The following IER5 variants were observed in gnomAD, a reference collection of about 807,000 sequenced individuals.
The protein encoded by IER5 is immediate early response 5, also known as immediate early response gene 5 protein.
In IER5, 3 loss-of-function variants were observed where a neutral mutation model predicts 8.2. The observed-to-expected ratio is 0.36, with a 90% CI of 0.17 to 0.94. IER5 has a LOEUF of 0.94. IER5 is among the 40% of genes least tolerant of loss of function. The pLI is 0.43. For missense variants in IER5, 531 were observed against 494.3 expected (o/e 1.07, Z -0.70); for synonymous variants, 286 against 230.1 (o/e 1.24, Z -2.20).
At position 181,089,894 on chromosome 1, in the gene IER5, GC is replaced by G. The variant is rs761886733; in HGVS notation, c.*14del. The G allele has an allele frequency of 1.9e-6, 3 of 1,609,994 alleles. No homozygotes were observed. Among genetic ancestry groups the G allele is most frequent in the Middle Eastern group, 2.1e-4 (1 of 4,742 alleles). ...GCCATCGTGGCCTTCTGAGCCCTTG[GC>G]CCCCCTGCGGGGAGGAGGTGGAGCA... On this transcript the variant is annotated 3_prime_UTR_variant, in exon 1 of 1. Coordinates refer to ENST00000367577, the MANE Select transcript of IER5 (RefSeq NM_016545.5).
Position 181,089,795 on chromosome 1 carries a change from G to A in IER5, c.893G>A (p.Gly298Asp). 6.2e-7 allele frequency: 1 copy of A among 1,613,574 alleles called. No homozygotes were observed. The highest frequency in any genetic ancestry group is 8.5e-7 in the Non-Finnish European group (1 of 1,179,880). The change falls in exon 1 of 1, where the codon GGT (glycine) becomes GAT (aspartate). Residue 298 changes from glycine (G) to aspartate (D), a missense_variant. Gly to Asp is a moderately conservative substitution (Grantham distance 94). Coordinates refer to ENST00000367577, the MANE Select transcript of IER5 (RefSeq NM_016545.5). ...GREEEEGEES[G>D]PEAAEPGQIC... ...GAGGAAGAGGAGGGAGAGGAGAGCGGTCCGGAAGCCGCCGAGCCCGGGCAG... is the reference window on the plus strand; with the variant it reads ...GAGGAAGAGGAGGGAGAGGAGAGCGATCCGGAAGCCGCCGAGCCCGGGCAG...
Position 181,089,133 on chromosome 1 carries a change from C to G in IER5, c.231C>G (p.Ala77=), listed in dbSNP as rs1659400904. The G allele has an allele frequency of 1.4e-5, 20 of 1,394,998 alleles. No individual in the cohort carries two copies. The highest frequency in any genetic ancestry group is 1.9e-5 in the Non-Finnish European group (20 of 1,077,456). The allele number at this position is 1,394,998 out of a possible 1,614,324, so 86.4% of individuals were successfully genotyped here. ...PPQQQPGEPA[A]GPPAGWGEPP... ...AGCAGCAGCCCGGGGAGCCGGCGGC[C>G]GGGCCACCCGCCGGCTGGGGAGAGC... Residue 77 remains alanine (A), a synonymous_variant, in exon 1 of 1, where the codon GCC becomes GCG. Transcript: ENST00000367577.
chr1:181,089,725 T>G lies in IER5; in HGVS notation c.823T>G (p.Ser275Ala), dbSNP rs1475514057. ...GGCTAACCTCATCAGCATCTTCGGT[T>G]CCAGTTTCTCGGGACTCCTACGGAA... is the stretch of plus-strand genomic sequence containing the variant. Reference protein sequence around the residue: ...NVANLISIFGSSFSGLLRKSP... With the variant: ...NVANLISIFGASFSGLLRKSP... Residue 275 changes from serine (S) to alanine (A), a missense_variant, in exon 1 of 1, where the codon TCC (serine) becomes GCC (alanine). Physicochemically the swap from Ser to Ala is moderately conservative, Grantham distance 99. Coordinates refer to ENST00000367577, the MANE Select transcript of IER5 (RefSeq NM_016545.5). 1 of 1,613,674 alleles carries G rather than the reference T, an allele frequency of 6.2e-7. No homozygotes were observed. The highest frequency in any genetic ancestry group is 1.7e-5 in the Admixed American group (1 of 60,002).
rs1474024460 is a variant in IER5, at chr1:181,088,965, GC to G, written c.64del (p.Arg22GlyfsTer27). 1.2e-6 allele frequency: 2 copies of G among 1,613,662 alleles called. No individual in the cohort carries two copies. The highest frequency in any genetic ancestry group is 1.7e-6 in the Non-Finnish European group (2 of 1,179,932). On this transcript the variant is annotated frameshift_variant, in exon 1 of 1. Transcript: ENST00000367577. LOFTEE classifies it low-confidence loss of function (END_TRUNC). ...SISLGKIYNS[R>X]VQRGGIKLHK... is the part of the protein sequence containing the mutation. ...TCTCTCTGGGCAAGATCTACAACTCGCGGGTCCAGCGCGGCGGCATCAAGCT... is the reference window on the plus strand; with the variant it reads ...TCTCTCTGGGCAAGATCTACAACTCGGGGTCCAGCGCGGCGGCATCAAGCT...
In IER5 at chr1:181,090,159, G is replaced by C. The variant is rs376514854; in HGVS notation, c.*273G>C. On this transcript the variant is annotated 3_prime_UTR_variant, in exon 1 of 1. Transcript: ENST00000367577. The stretch of plus-strand genomic sequence containing the variant: ...TGTCTTGTGGCATTAAGACTATTTT[G>C]CTCTTCTGGAATGCACCACTCCTTC... The C allele has an allele frequency of 7.7e-6, 4 of 517,696 alleles. No homozygotes were observed. The highest frequency in any genetic ancestry group is 3.7e-5 in the East Asian group (1 of 27,024). 32.1% of individuals were successfully genotyped at this position (517,696 alleles called of 1,614,324 possible).
At position 181,089,486 on chromosome 1, in the gene IER5, C is replaced by T. The variant is rs1265623466; in HGVS notation, c.584C>T (p.Ala195Val). 3.0e-6 allele frequency: 4 copies of T among 1,326,124 alleles called. No individual in the cohort carries two copies. Among genetic ancestry groups the T allele is most frequent in the Non-Finnish European group, 3.9e-6 (4 of 1,036,976 alleles). The allele number at this position is 1,326,124 out of a possible 1,614,324, so 82.1% of individuals were successfully genotyped here. The stretch of plus-strand genomic sequence containing the variant: ...GGTACACCGGCCGCGACCCCCCGCG[C>T]TGCCTGCTGCTGCGCGCCGCAACCA... ...PPGTPAATPR[A>V]ACCCAPQPAE... The change falls in exon 1 of 1, where the codon GCT becomes GTT. Residue 195 changes from alanine to valine, a missense_variant. Coordinates refer to ENST00000367577, the MANE Select transcript of IER5 (RefSeq NM_016545.5).
Position 181,088,892 on chromosome 1 carries a change from AG to A in IER5, c.-7del. 3 of 1,605,200 alleles carry A rather than the reference AG, an allele frequency of 1.9e-6. No homozygotes were observed. Among genetic ancestry groups the A allele is most frequent in the Non-Finnish European group, 2.6e-6 (3 of 1,175,020 alleles). ...CACCCCGGCGCCGACGGCCCTGTGC[AG>A]GGGAAGCAGATGGAGTTCAAGCTGG... On this transcript the variant is annotated 5_prime_UTR_variant, in exon 1 of 1. Coordinates refer to ENST00000367577, the MANE Select transcript of IER5 (RefSeq NM_016545.5).
rs1005605826 is a variant in IER5 at position 181,088,826 on chromosome 1, C to G, written c.-77C>G. The G allele has an allele frequency of 2.3e-5, 35 of 1,500,106 alleles. No individual in the cohort carries two copies. The highest frequency in any genetic ancestry group is 7.2e-5 in the Admixed American group (4 of 55,178). 92.9% of individuals were successfully genotyped at this position (1,500,106 alleles called of 1,614,324 possible). A position where few individuals can be genotyped will look rare whatever the true frequency, so the allele number is the denominator to read the frequency against. ...ATCGAGGGTGTGCCCAGGGGGCGGA[C>G]TTGTTTGCGCCTCCCGTTCCCTCCC... On this transcript the variant is annotated 5_prime_UTR_variant, in exon 1 of 1. Coordinates refer to ENST00000367577, the MANE Select transcript of IER5 (RefSeq NM_016545.5).
At position 181,091,922 on chromosome 1, in the gene IER5, C is replaced by T. The variant is rs906028263; in HGVS notation, c.*2036C>T. On this transcript the variant is annotated 3_prime_UTR_variant, in exon 1 of 1. Transcript: ENST00000367577. ...GCCAGTGCCTCGTGCCTTGATATTT[C>T]GGCAAATCTATTAGTGGTTCCTTAA... 1 of 152,192 alleles carries T rather than the reference C, an allele frequency of 6.6e-6. No individual in the cohort carries two copies. The highest frequency in any genetic ancestry group is 1.5e-5 in the Non-Finnish European group (1 of 68,042). The allele number at this position is 152,192 out of a possible 1,614,324, so 9.4% of individuals were successfully genotyped here.
In IER5 at chr1:181,089,404, G is replaced by T. The variant is rs3747954; in HGVS notation, c.502G>T (p.Val168Leu). Residue 168 changes from valine to leucine, a missense_variant, in exon 1 of 1, where the codon GTA (valine) becomes TTA (leucine). Val to Leu is a conservative substitution (Grantham distance 32, BLOSUM62 1). Coordinates refer to ENST00000367577, the MANE Select transcript of IER5 (RefSeq NM_016545.5). Reference sequence around the variant, plus strand: ...CGGAGGCTGGGGCGTCTTCCCCGAGGTATCTCGTGCCGCGCGCCGCCCCTG... The same window carrying T: ...CGGAGGCTGGGGCGTCTTCCCCGAGTTATCTCGTGCCGCGCGCCGCCCCTG... ...TAGGWGVFPE[V>L]SRAARRPCGC... is the part of the protein sequence containing the mutation. The T allele has an allele frequency of 1.7e-5, 24 of 1,451,828 alleles. No individual in the cohort carries two copies. Among genetic ancestry groups the T allele is most frequent in the Non-Finnish European group, 1.9e-5 (21 of 1,100,306 alleles). 89.9% of individuals were successfully genotyped at this position (1,451,828 alleles called of 1,614,324 possible).
chr1:181,088,788 G>GTAT lies in IER5; in HGVS notation c.-115_-114insTAT. ...CGCGTCACCAGAGTCGTTTCTCTTC[G>GTAT]GAGTCTTAGGTGATCGAGGGTGTGC... is the stretch of plus-strand genomic sequence containing the variant. On this transcript the variant is annotated 5_prime_UTR_variant, in exon 1 of 1. The change creates a new upstream start codon in the 5' untranslated region. Transcript: ENST00000367577. 1 of 786,126 alleles carries GTAT rather than the reference G, an allele frequency of 1.3e-6. No individual in the cohort carries two copies. Among genetic ancestry groups the GTAT allele is most frequent in the African/African-American group, 1.8e-5 (1 of 55,674 alleles). The allele number at this position is 786,126 out of a possible 1,614,324, so 48.7% of individuals were successfully genotyped here.
chr1:181,089,202 G>T lies in IER5; in HGVS notation c.300G>T (p.Pro100=), dbSNP rs371948964. 4.6e-6 allele frequency: 7 copies of T among 1,532,202 alleles called. No individual in the cohort carries two copies. Among genetic ancestry groups the T allele is most frequent in the Admixed American group, 2.0e-5 (1 of 49,992 alleles). 94.9% of individuals were successfully genotyped at this position (1,532,202 alleles called of 1,614,324 possible). Residue 100 remains proline, a synonymous_variant, in exon 1 of 1, where the codon CCG becomes CCT. Coordinates refer to ENST00000367577, the MANE Select transcript of IER5 (RefSeq NM_016545.5). Reference sequence around the variant, plus strand: ...GTGCCTCTTGGCCGGAGACCGAGCCGCAGCCGGAGCGCTCCTCCGTCTCAG... The same window carrying T: ...GTGCCTCTTGGCCGGAGACCGAGCCTCAGCCGGAGCGCTCCTCCGTCTCAG... ...AARASWPETE[P]QPERSSVSDA... is the part of the protein sequence containing the mutation.
In IER5 at chr1:181,088,781, T is replaced by G; in HGVS notation, c.-122T>G. On this transcript the variant is annotated 5_prime_UTR_variant, in exon 1 of 1. Transcript: ENST00000367577. ...CAGCGCGCGCGTCACCAGAGTCGTT[T>G]CTCTTCGGAGTCTTAGGTGATCGAG... 5.7e-6 allele frequency: 4 copies of G among 696,558 alleles called. No homozygotes were observed. Among genetic ancestry groups the G allele is most frequent in the Non-Finnish European group, 9.1e-6 (4 of 438,576 alleles). 43.1% of individuals were successfully genotyped at this position (696,558 alleles called of 1,614,324 possible). A position where few individuals can be genotyped will look rare whatever the true frequency, so the allele number is the denominator to read the frequency against.
Position 181,089,026 on chromosome 1 carries a change from A to G in IER5, c.124A>G (p.Ser42Gly), listed in dbSNP as rs771806068. Residue 42 changes from serine (S) to glycine (G), a missense_variant, in exon 1 of 1, where the codon AGC becomes GGC. By Grantham distance (56) the Ser-to-Gly change is moderately conservative (BLOSUM62 0). Coordinates refer to ENST00000367577, the MANE Select transcript of IER5 (RefSeq NM_016545.5). ...CCTCCTGGTCTCGCTGGTGCTGCGCAGCGCCCGCCAAGTCTACCTGAGCGA... is the reference window on the plus strand; with the variant it reads ...CCTCCTGGTCTCGCTGGTGCTGCGCGGCGCCCGCCAAGTCTACCTGAGCGA... ...KNLLVSLVLR[S>G]ARQVYLSDPC... is the part of the protein sequence containing the mutation. 1.2e-6 allele frequency: 2 copies of G among 1,607,832 alleles called. No individual in the cohort carries two copies. Among genetic ancestry groups the G allele is most frequent in the African/African-American group, 1.3e-5 (1 of 74,610 alleles).
At position 181,092,821 on chromosome 1, in the gene IER5, A is replaced by G. The variant is rs1160332467; in HGVS notation, c.*2935A>G. 6.6e-6 allele frequency: 1 copy of G among 152,278 alleles called. No individual in the cohort carries two copies. The highest frequency in any genetic ancestry group is 1.5e-5 in the Non-Finnish European group (1 of 68,054). The allele number at this position is 152,278 out of a possible 1,614,324, so 9.4% of individuals were successfully genotyped here. A position where few individuals can be genotyped will look rare whatever the true frequency, so the allele number is the denominator to read the frequency against. On this transcript the variant is annotated 3_prime_UTR_variant, in exon 1 of 1. Coordinates refer to ENST00000367577, the MANE Select transcript of IER5 (RefSeq NM_016545.5). Reference sequence around the variant, plus strand: ...GTTAATGTAGAAGTTAATTCTGTGTATAAATCAGATACACTGTGGTCAAAG... The same window carrying G: ...GTTAATGTAGAAGTTAATTCTGTGTGTAAATCAGATACACTGTGGTCAAAG...
At position 181,089,286 on chromosome 1, in the gene IER5, T is replaced by G; in HGVS notation, c.384T>G (p.Val128=). The G allele has an allele frequency of 6.4e-7, 1 of 1,557,266 alleles. No individual in the cohort carries two copies. Among genetic ancestry groups the G allele is most frequent in the Non-Finnish European group, 8.7e-7 (1 of 1,153,938 alleles). The change falls in exon 1 of 1, where the codon GTT becomes GTG. Residue 128 remains valine, a synonymous_variant. Transcript: ENST00000367577. ...PVATVTGVGD[V]FQGGEADATE... ...CCACGGTGACTGGAGTCGGGGACGT[T>G]TTTCAGGGCGGAGAGGCGGACGCGA...
rs1176627908 is a variant in IER5, at chr1:181,089,596, C to G, written c.694C>G (p.Pro232Ala). 1 of 1,594,430 alleles carries G rather than the reference C, an allele frequency of 6.3e-7. No homozygotes were observed. Among genetic ancestry groups the G allele is most frequent in the Admixed American group, 1.7e-5 (1 of 57,502 alleles). ...AGVGGGPAGC[P>A]APGSTPLKKP... Reference sequence around the variant, plus strand: ...GGTGGGCGGCGGCCCAGCGGGCTGCCCGGCGCCCGGCTCGACCCCGCTCAA... The same window carrying G: ...GGTGGGCGGCGGCCCAGCGGGCTGCGCGGCGCCCGGCTCGACCCCGCTCAA... The change falls in exon 1 of 1, where the codon CCG becomes GCG. Residue 232 changes from proline (P) to alanine (A), a missense_variant. Coordinates refer to ENST00000367577, the MANE Select transcript of IER5 (RefSeq NM_016545.5).
At position 181,090,128 on chromosome 1, in the gene IER5, T is replaced by G. The variant is rs1659435757; in HGVS notation, c.*242T>G. On this transcript the variant is annotated 3_prime_UTR_variant, in exon 1 of 1. Transcript: ENST00000367577. ...TTGTGTTTGTGTATGTCTGTGTATG[T>G]AAGTTTGTCTTGTGGCATTAAGACT... 7 of 583,760 alleles carry G rather than the reference T, an allele frequency of 1.2e-5. No homozygotes were observed. Among genetic ancestry groups the G allele is most frequent in the Non-Finnish European group, 2.2e-5 (7 of 325,298 alleles). The allele number at this position is 583,760 out of a possible 1,614,324, so 36.2% of individuals were successfully genotyped here.
Position 181,088,781 on chromosome 1 carries a change from TCTCTTC to T in IER5, c.-121_-116del. 2.9e-6 allele frequency: 2 copies of T among 696,560 alleles called. No homozygotes were observed. The highest frequency in any genetic ancestry group is 4.6e-6 in the Non-Finnish European group (2 of 438,578). 43.1% of individuals were successfully genotyped at this position (696,560 alleles called of 1,614,324 possible). Reference sequence around the variant, plus strand: ...CAGCGCGCGCGTCACCAGAGTCGTTTCTCTTCGGAGTCTTAGGTGATCGAGGGTGTG... The same window carrying T: ...CAGCGCGCGCGTCACCAGAGTCGTTTGGAGTCTTAGGTGATCGAGGGTGTG... On this transcript the variant is annotated 5_prime_UTR_variant, in exon 1 of 1. Transcript: ENST00000367577.
Sources: gnomAD v4.1 joint callset for allele counts on GRCh38, gnomAD v4.1.1 for gene constraint, MANE v1.5 for transcripts, NCBI Gene and HGNC (gene_info 2026-07-23, HGNC 2026-07-21) for gene names.